The following PRAMEF4 variants were observed in gnomAD, a reference collection of about 807,000 sequenced individuals.
PRAMEF4 encodes the protein RP5-845O24.6.
A neutral mutation model predicts 34.4 loss-of-function variants in PRAMEF4; 18 were observed. That is an observed-to-expected ratio of 0.52 (90% CI 0.36 to 0.78). The LOEUF (loss-of-function observed/expected upper bound fraction) is 0.78, where lower values mean the gene tolerates loss of function less well. Among genes scored for constraint, PRAMEF4 ranks in the 30% least tolerant of loss-of-function variants. PRAMEF4 has a pLI of 0.00. For missense variants in PRAMEF4, 482 were observed against 569.1 expected, an observed-to-expected ratio of 0.85 and a Z score of 1.56; for synonymous variants, 156 against 219.3, an observed-to-expected ratio of 0.71 and a Z score of 2.55.
rs544361903 is a variant in PRAMEF4, at chr1:12,884,421, C to G, written c.-16-1011G>C. ...TGCACACTTGTTACACATGTTCAAA[C>G]TGAACCACTTTGGCTGGGTGCAGTG... On this transcript the variant is annotated intron_variant, in intron 1 of 3. Coordinates refer to ENST00000235349, the MANE Select transcript of PRAMEF4 (RefSeq NM_001009611.4). Among the ~76,000 whole-genome samples, 205 of 149,656 alleles carry G rather than the reference C, an allele frequency of 1.4e-3. 4 individuals carry two copies. The highest frequency in any genetic ancestry group is 0.011 in the Middle Eastern group (3 of 284).
chr1:12,883,413 TC>T lies in PRAMEF4; in HGVS notation c.-16-4del. Reference sequence around the variant, plus strand: ...TCTTCATGAATCTGCAGGGAAAACTTCCAGAGGACAAACCCAGAGAAAAGGC... The same window carrying T: ...TCTTCATGAATCTGCAGGGAAAACTTCAGAGGACAAACCCAGAGAAAAGGC... On this transcript the variant is annotated splice_polypyrimidine_tract_variant and splice_region_variant and intron_variant, in intron 1 of 3. Transcript: ENST00000235349. 6.2e-7 allele frequency: 1 copy of T among 1,601,320 alleles called. No individual in the cohort carries two copies. The highest frequency in any genetic ancestry group is 8.5e-7 in the Non-Finnish European group (1 of 1,174,410).
rs754876440 is a variant in PRAMEF4, at chr1:12,880,090, C to T, written c.891G>A (p.Ser297=). The T allele has an allele frequency of 1.0e-5, 16 of 1,527,048 alleles. 1 individual carries two copies. In the African/African-American group the frequency reaches 1.3e-4, roughly 13 times the overall value. 94.6% of individuals were successfully genotyped at this position (1,527,048 alleles called of 1,614,324 possible). A position where few individuals can be genotyped will look rare whatever the true frequency, so the allele number is the denominator to read the frequency against. The stretch of plus-strand genomic sequence containing the variant: ...AGTTAGTTATTGTGAGGAACTTTAA[C>T]GAGGTCTTCAGACAGCTGGGGAGAG... The part of the protein sequence containing the change: ...LDQLLSCLKT[S]LKFLTITNCV... Residue 297 remains serine, a synonymous_variant, in exon 4 of 4, where the codon TCG becomes TCA. Transcript: ENST00000235349.
In PRAMEF4 at chr1:12,883,146, C is replaced by T. The variant is rs1569883490; in HGVS notation, c.249G>A (p.Val83=). 6.2e-7 allele frequency: 1 copy of T among 1,601,534 alleles called. No homozygotes were observed. The highest frequency in any genetic ancestry group is 8.5e-7 in the Non-Finnish European group (1 of 1,174,220). ...KMPCLEAFQA[V]LDGLDALLNL... is the part of the protein sequence containing the mutation. ...TAAGCAGTGCATCCAGCCCATCGAG[C>T]ACAGCTTGGAAGGCCTCCAGACAAG... Residue 83 remains valine (V), a synonymous_variant, in exon 2 of 4, where the codon GTG becomes GTA. Coordinates refer to ENST00000235349, the MANE Select transcript of PRAMEF4 (RefSeq NM_001009611.4).
chr1:12,882,542 C>G lies in PRAMEF4; in HGVS notation c.294-107G>C, dbSNP rs1640911886. 5 of 1,465,944 alleles carry G rather than the reference C, an allele frequency of 3.4e-6. 1 individual carries two copies. The highest frequency in any genetic ancestry group is 4.6e-6 in the Non-Finnish European group (5 of 1,083,800). The allele number at this position is 1,465,944 out of a possible 1,614,324, so 90.8% of individuals were successfully genotyped here. On this transcript the variant is annotated intron_variant, in intron 2 of 3. Transcript: ENST00000235349. ...CCCTCCCTGCTTCTTGTCCCTCTCTCTGACTTTTCTTCACTCTGTTTTCCC... is the reference window on the plus strand; with the variant it reads ...CCCTCCCTGCTTCTTGTCCCTCTCTGTGACTTTTCTTCACTCTGTTTTCCC...
intron 3 of PRAMEF4, among the ~76,000 whole-genome samples, chr1:12,881,238 C>A (rs12130840): frequency 0.11 from 15,666 of 147,054 alleles, 1,435 homozygotes; most frequent in Non-Finnish European, 0.11. Context: ...TGGTGGCTCA[C>A]GCCTGTAATC....
At chr1:12,881,523 C>A (rs1304168631) in intron 3 of PRAMEF4, among the ~76,000 whole-genome samples, 1 of 148,154 alleles carries the variant, frequency 6.7e-6, no homozygotes, top group Non-Finnish European at 1.5e-5. Flanking sequence ...GAGCCACCGC[C>A]CCTGGCGTAT....
Position 12,882,442 on chromosome 1 carries a change from G to C in PRAMEF4, c.294-7C>G, listed in dbSNP as rs2982076. 252 of 1,585,752 alleles carry C rather than the reference G, an allele frequency of 1.6e-4. 5 individuals carry two copies. The highest frequency in any genetic ancestry group is 2.0e-4 in the Non-Finnish European group (238 of 1,166,918). ...CACTTGAAGTTTCCACCTCCTGTGG[G>C]AAAATAGAGGTGAGACTGAGAATTT... is the stretch of plus-strand genomic sequence containing the variant. On this transcript the variant is annotated splice_region_variant and splice_polypyrimidine_tract_variant and intron_variant, in intron 2 of 3. Transcript: ENST00000235349.
intron 1 of PRAMEF4, among the ~76,000 whole-genome samples, chr1:12,885,731 G>T (rs1307375064): frequency 2.7e-5 from 4 of 147,118 alleles, no homozygotes; most frequent in Non-Finnish European, 6.0e-5. Context: ...GTTGCAGGGA[G>T]TTGAGATCAT....
At chr1:12,882,824 A>G (rs80208248) in intron 2 of PRAMEF4, among the ~76,000 whole-genome samples, 3 of 147,314 alleles carry the variant, frequency 2.0e-5, no homozygotes, top group Non-Finnish European at 3.0e-5. Flanking sequence ...TCTTGACCTC[A>G]GCCTCCCAAT....
In PRAMEF4 at chr1:12,883,114, C is replaced by T. The variant is rs61781714; in HGVS notation, c.281G>A (p.Gly94Glu). 3 of 1,601,234 alleles carry T rather than the reference C, an allele frequency of 1.9e-6. No individual in the cohort carries two copies. Among genetic ancestry groups the T allele is most frequent in the African/African-American group, 1.4e-5 (1 of 73,502 alleles). ...TGGGCCACCTCACCTGGGACGAACC[C>T]CTAGGTTAAGCAGTGCATCCAGCCC... ...LDGLDALLNL[G>E]VRPRRWKLQV... Residue 94 changes from glycine to glutamate, a missense_variant, in exon 2 of 4, where the codon GGG becomes GAG. By Grantham distance (98) the Gly-to-Glu change is moderately conservative (BLOSUM62 -2). Coordinates refer to ENST00000235349, the MANE Select transcript of PRAMEF4 (RefSeq NM_001009611.4).
chr1:12,883,354 A>T lies in PRAMEF4; in HGVS notation c.41T>A (p.Leu14His), dbSNP rs1484673016. 2 of 1,600,682 alleles carry T rather than the reference A, an allele frequency of 1.2e-6. No individual in the cohort carries two copies. Among genetic ancestry groups the T allele is most frequent in the Non-Finnish European group, 1.7e-6 (2 of 1,173,658 alleles). The stretch of plus-strand genomic sequence containing the variant: ...GTCCCTTAGCAGGCTCCGCCCTGCA[A>T]GCTCCAGGAGTCTGGGTGGAGTCCA... ...SIWTPPRLLE[L>H]AGRSLLRDQA... Residue 14 changes from leucine (L) to histidine (H), a missense_variant, in exon 2 of 4, where the codon CTT becomes CAT. Physicochemically the swap from Leu to His is moderately conservative, Grantham distance 99 (BLOSUM62 -3). Transcript: ENST00000235349.
rs375310027 is a variant in PRAMEF4 at position 12,883,378 on chromosome 1, C to T, written c.17G>A (p.Trp6Ter). ...AAGCTCCAGGAGTCTGGGTGGAGTC[C>T]AGATGCTCATCTTCATGAATCTGCA... is the stretch of plus-strand genomic sequence containing the variant. MKMSI[W>*]TPPRLLELAG... Residue 6 changes from tryptophan (W) to a stop codon, truncating the protein, a stop_gained, in exon 2 of 4, where the codon TGG becomes TAG. Transcript: ENST00000235349. LOFTEE classifies it high-confidence loss of function. 4.9e-5 allele frequency: 78 copies of T among 1,600,280 alleles called. 6 individuals carry two copies. Among genetic ancestry groups the T allele is most frequent in the Non-Finnish European group, 6.5e-5 (76 of 1,173,604 alleles).
At chr1:12,881,692 T>A (rs1640892062) in intron 3 of PRAMEF4, among the ~76,000 whole-genome samples, 162 bp downstream of exon 3, 1 of 144,924 alleles carries the variant, frequency 6.9e-6, no homozygotes, top group Non-Finnish European at 1.5e-5. Context: ...GGTTGCATGA[T>A]ACCCATTTCA....
intron 1 of PRAMEF4, among the ~76,000 whole-genome samples, 171 bp downstream of exon 1, chr1:12,885,976 A>T (rs1640994941): frequency 9.9e-6 from 1 of 101,488 alleles, no homozygotes; most frequent in African/African-American, 4.8e-5. Context: ...TTTTGAAATA[A>T]AGACAGAACT....
At chr1:12,882,750 C>G (rs923369628) in intron 2 of PRAMEF4, among the ~76,000 whole-genome samples, 1 of 145,312 alleles carries the variant, frequency 6.9e-6, no homozygotes. Context: ...ACCACCATGC[C>G]CAGCTAATTT....
At position 12,884,444 on chromosome 1, in the gene PRAMEF4, G is replaced by A. The variant is rs1640955937; in HGVS notation, c.-16-1034C>T. 2.0e-5 allele frequency among the ~76,000 whole-genome samples: 3 copies of A among 149,542 alleles called. No homozygotes were observed. In the South Asian group the frequency reaches 6.4e-4, roughly 32 times the overall value. ...AACTGAACCACTTTGGCTGGGTGCA[G>A]TGACTCACACCTGTAATCTGAGCAT... On this transcript the variant is annotated intron_variant, in intron 1 of 3. Transcript: ENST00000235349.
Position 12,886,155 on chromosome 1 carries a change from G to A in PRAMEF4, c.-25C>T, listed in dbSNP as rs892770241. 1.4e-5 allele frequency: 2 copies of A among 141,676 alleles called. No homozygotes were observed. Among genetic ancestry groups the A allele is most frequent in the Non-Finnish European group, 3.1e-5 (2 of 65,552 alleles). The allele number at this position is 141,676 out of a possible 1,614,324, so 8.8% of individuals were successfully genotyped here. A position where few individuals can be genotyped will look rare whatever the true frequency, so the allele number is the denominator to read the frequency against. ...AGAAATTAGTGACTTACCAGATCTG[G>A]ATGTAGTCTAGAAGGTTCTCAGATC... On this transcript the variant is annotated 5_prime_UTR_variant, in exon 1 of 4. Coordinates refer to ENST00000235349, the MANE Select transcript of PRAMEF4 (RefSeq NM_001009611.4).
chr1:12,884,480 C>A lies in PRAMEF4; in HGVS notation c.-16-1070G>T. ...CTGTAATCTGAGCATTTTGTGAGGCCGAGGCAGGTGGATCATCTGAGATCA... is the reference window on the plus strand; with the variant it reads ...CTGTAATCTGAGCATTTTGTGAGGCAGAGGCAGGTGGATCATCTGAGATCA... On this transcript the variant is annotated intron_variant, in intron 1 of 3. Coordinates refer to ENST00000235349, the MANE Select transcript of PRAMEF4 (RefSeq NM_001009611.4). 1.3e-5 allele frequency among the ~76,000 whole-genome samples: 2 copies of A among 148,762 alleles called. 1 individual carries two copies. Among genetic ancestry groups the A allele is most frequent in the African/African-American group, 5.0e-5 (2 of 40,082 alleles).
intron 1 of PRAMEF4, 92 bp from the exon 2 acceptor site, chr1:12,883,502 C>G: frequency 6.6e-7 from 1 of 1,525,714 alleles, no homozygotes; most frequent in Non-Finnish European, 8.9e-7. Context: ...ACTGCTCTGG[C>G]AATGGTGAAA....
Sources: gnomAD v4.1 joint callset for allele counts (sites outside exome capture counted in the v4.1 genomes callset) on GRCh38, gnomAD v4.1.1 for gene constraint, MANE v1.5 for transcripts, NCBI Gene and HGNC (gene_info 2026-07-23, HGNC 2026-07-21) for gene names.